COP1: variants seen among roughly 807,000 people sequenced by gnomAD.
COP1 encodes COP1 E3 ubiquitin ligase.
Under a neutral mutation model 101.3 loss-of-function variants are expected in COP1, and 24 were observed. The ratio of observed to expected loss-of-function variants is 0.24; its 90% CI spans 0.17 to 0.33. COP1 has a LOEUF of 0.33. Among genes scored for constraint, COP1 ranks in the 10% least tolerant of loss-of-function variants. The probability of loss-of-function intolerance (pLI) is 1.00; values close to 1 mark genes in which losing one functional copy is unlikely to be tolerated. For missense variants in COP1, 663 were observed against 906.2 expected (o/e 0.73, Z 3.45); for synonymous variants, 347 against 341.9 (o/e 1.01, Z -0.17).
chr1:176,194,923 T>TAA (rs35351772), intron 1 of COP1, among the ~76,000 whole-genome samples: 213 of 143,938 alleles, frequency 1.5e-3, no homozygotes, highest in Middle Eastern at 0.014. Flanking sequence ...AAAATAAAAT[T>TAA]AAAAAAAAAA....
chr1:175,971,574 C>G (rs1653245479), intron 18 of COP1, among the ~76,000 whole-genome samples: 1 of 151,686 alleles, frequency 6.6e-6, no homozygotes, highest in African/African-American at 2.4e-5. Context: ...GAGTCACCAG[C>G]ACAGACCTAT....
intron 18 of COP1, among the ~76,000 whole-genome samples, chr1:175,958,580 A>G (rs1650962430): frequency 6.6e-6 from 1 of 152,058 alleles, no homozygotes; most frequent in Admixed American, 6.6e-5. Flanking sequence ...GAAGATAACT[A>G]TTAAACAAAA....
intron 1 of COP1, among the ~76,000 whole-genome samples, chr1:176,185,932 A>C (rs1173273510): frequency 6.6e-6 from 1 of 152,246 alleles, no homozygotes; most frequent in Non-Finnish European, 1.5e-5. Flanking sequence ...TTTCTTGGGC[A>C]TAAACACTAT....
chr1:176,143,920 A>T (rs935342859), intron 6 of COP1, among the ~76,000 whole-genome samples: 1 of 152,110 alleles, frequency 6.6e-6, no homozygotes, highest in Admixed American at 6.5e-5. Flanking sequence ...GAAATTTTTT[A>T]AAAATTCTCT....
At chr1:176,089,801 ACT>A (rs1340809118) in intron 9 of COP1, among the ~76,000 whole-genome samples, 13 of 152,252 alleles carry the variant, frequency 8.5e-5, no homozygotes, top group African/African-American at 2.9e-4. Flanking sequence ...TTTCAACCTG[ACT>A]CTGAATAATG....
At chr1:175,992,872 C>A (rs1250379465) in intron 15 of COP1, among the ~76,000 whole-genome samples, 1 of 152,308 alleles carries the variant, frequency 6.6e-6, no homozygotes, top group East Asian at 1.9e-4. Context: ...CCCTGTCTGA[C>A]AGCTTTGAAG....
chr1:176,046,148 T>G, intron 12 of COP1, 33 bp downstream of exon 12: 1 of 1,554,388 alleles, frequency 6.4e-7, no homozygotes, highest in Non-Finnish European at 8.8e-7. Context: ...GTTACATCTA[T>G]ACTGCATCAT....
rs1679071738 is a variant in COP1, at chr1:176,081,219, A to C, written c.1210T>G (p.Ser404Ala). Reference protein sequence around the residue: ...ECLSKFTRYNSVRPLATLSYA... With the variant: ...ECLSKFTRYNAVRPLATLSYA... ...GACAATGTGGCTAAAGGTCGTACTG[A>C]ATTATATCGAGTAAACTTGGACAAG... The change falls in exon 11 of 20, where the codon TCA becomes GCA. Residue 404 changes from serine to alanine, a missense_variant. Coordinates refer to ENST00000367669, the MANE Select transcript of COP1 (RefSeq NM_022457.7). 2.5e-6 allele frequency: 4 copies of C among 1,611,658 alleles called. No homozygotes were observed. Among genetic ancestry groups the C allele is most frequent in the Non-Finnish European group, 3.4e-6 (4 of 1,178,304 alleles).
intron 2 of COP1, among the ~76,000 whole-genome samples, chr1:176,184,163 GTA>G (rs943600279): frequency 3.9e-5 from 6 of 151,984 alleles, no homozygotes; most frequent in African/African-American, 1.4e-4. Flanking sequence ...TTTTTTTGAT[GTA>G]TGAGTTAACC....
chr1:176,141,574 A>G (rs879317955), intron 6 of COP1, among the ~76,000 whole-genome samples: 12 of 152,122 alleles, frequency 7.9e-5, no homozygotes, highest in Non-Finnish European at 1.6e-4. Flanking sequence ...ACTATCAAAA[A>G]CAAAGCATTT....
intron 3 of COP1, among the ~76,000 whole-genome samples, chr1:176,174,379 C>G (rs1696610675): frequency 6.6e-6 from 1 of 152,194 alleles, no homozygotes; most frequent in Non-Finnish European, 1.5e-5. Context: ...ACTAGGCCAT[C>G]AAGTATCATC....
chr1:176,153,009 G>A (rs1465616728), intron 5 of COP1, among the ~76,000 whole-genome samples: 1 of 152,114 alleles, frequency 6.6e-6, no homozygotes, highest in Non-Finnish European at 1.5e-5. Flanking sequence ...AGATATACCT[G>A]AGAATGCATG....
intron 15 of COP1, among the ~76,000 whole-genome samples, chr1:176,026,570 A>C (rs1163881312): frequency 6.6e-6 from 1 of 152,106 alleles, no homozygotes; most frequent in African/African-American, 2.4e-5. Context: ...TAAATTCTAT[A>C]TGCTAAAAAA....
intron 1 of COP1, among the ~76,000 whole-genome samples, chr1:176,188,149 T>C (rs1698703017): frequency 6.6e-6 from 1 of 152,046 alleles, no homozygotes; most frequent in Admixed American, 6.5e-5. Context: ...AATAAAGTTT[T>C]GTCGTTTTTA....
intron 15 of COP1, among the ~76,000 whole-genome samples, chr1:175,992,393 T>C (rs931696230): frequency 6.6e-6 from 1 of 152,116 alleles, no homozygotes; most frequent in African/African-American, 2.4e-5. Context: ...AGACAGTGGG[T>C]GCAGGAGAGT....
intron 8 of COP1, among the ~76,000 whole-genome samples, chr1:176,120,336 C>A (rs950942221): frequency 1.3e-5 from 2 of 151,858 alleles, no homozygotes; most frequent in African/African-American, 4.8e-5. Context: ...AGGAGAATCT[C>A]TTGAACCCAG....
At chr1:175,947,456 CACT>C in intron 18 of COP1, 1 of 434,394 alleles carries the variant, frequency 2.3e-6, no homozygotes, top group Non-Finnish European at 4.2e-6. Flanking sequence ...CCACAACCTC[CACT>C]TCCTGGGTTC....
At chr1:176,114,511 A>G (rs1177875447) in intron 9 of COP1, among the ~76,000 whole-genome samples, 1 of 151,900 alleles carries the variant, frequency 6.6e-6, no homozygotes, top group Non-Finnish European at 1.5e-5. Context: ...AAGTGAATAT[A>G]CAAATAAATG....
At chr1:176,017,082 A>C (rs1221710585) in intron 15 of COP1, among the ~76,000 whole-genome samples, 1 of 152,226 alleles carries the variant, frequency 6.6e-6, no homozygotes, top group African/African-American at 2.4e-5. Context: ...GCAATCATCA[A>C]TACGTTAAAA....
Sources: gnomAD v4.1 joint callset for allele counts (sites outside exome capture counted in the v4.1 genomes callset) on GRCh38, gnomAD v4.1.1 for gene constraint, MANE v1.5 for transcripts, NCBI Gene and HGNC (gene_info 2026-07-23, HGNC 2026-07-21) for gene names.